Variants in POLN observed in about 807,000 individuals in gnomAD.
POLN encodes DNA polymerase nu.
In POLN, 108 loss-of-function variants were observed where a neutral mutation model predicts 113.5. That is an observed-to-expected ratio of 0.95 (90% CI 0.81 to 1.12). POLN has a LOEUF of 1.12. POLN is among the 50% of genes most tolerant of loss of function. The probability of loss-of-function intolerance (pLI) is 0.00; values close to 1 mark genes in which losing one functional copy is unlikely to be tolerated. For synonymous variants in POLN, 386 were observed against 391.5 expected (o/e 0.99, Z 0.17); for missense variants, 1,097 against 1,077.1 (o/e 1.02, Z -0.26).
chr4:2,223,018 T>C (rs1734298816), intron 3 of POLN, among the ~76,000 whole-genome samples: 1 of 152,080 alleles, frequency 6.6e-6, no homozygotes, highest in Non-Finnish European at 1.5e-5. Context: ...GAGACTGAGA[T>C]TTGTCAGCAG....
chr4:2,195,242 G>A (rs1325503256), intron 6 of POLN, among the ~76,000 whole-genome samples: 1 of 152,032 alleles, frequency 6.6e-6, no homozygotes, highest in Non-Finnish European at 1.5e-5. Flanking sequence ...TAATTTGATT[G>A]TCCTAGAACT....
At chr4:2,195,382 G>A (rs34689253) in intron 6 of POLN, among the ~76,000 whole-genome samples, 1 of 151,780 alleles carries the variant, frequency 6.6e-6, no homozygotes, top group East Asian at 1.9e-4. Context: ...GAACACAAAT[G>A]AAAGTCATGT....
In POLN at chr4:2,081,000, T is replaced by C. The variant is rs1166190543; in HGVS notation, c.2345A>G (p.His782Arg). ...AADLCKLAMIHVFTAVAASHT... is the reference protein window; with the variant it reads ...AADLCKLAMIRVFTAVAASHT... ...GGAAGCAGCCACTGCAGTGAAGACA[T>C]GGATCATGGCCAGCTTGCAGAGGTC... The change falls in exon 23 of 26, where the codon CAT becomes CGT. Residue 782 changes from histidine to arginine, a missense_variant. Transcript: ENST00000511885. The C allele has an allele frequency of 1.9e-6, 3 of 1,613,832 alleles. No individual in the cohort carries two copies. Among genetic ancestry groups the C allele is most frequent in the Non-Finnish European group, 8.5e-7 (1 of 1,179,946 alleles).
intron 4 of POLN, among the ~76,000 whole-genome samples, 154 bp downstream of exon 4, chr4:2,212,893 A>G (rs1220909874): frequency 6.6e-6 from 1 of 151,800 alleles, no homozygotes; most frequent in African/African-American, 2.4e-5. Flanking sequence ...CTGCATCCAA[A>G]TTAAACTATA....
intron 10 of POLN, 149 bp downstream of exon 10, chr4:2,174,542 C>T: frequency 1.4e-6 from 1 of 726,938 alleles, no homozygotes; most frequent in South Asian, 1.6e-5. Context: ...CCCCTCACTA[C>T]AGAAAGGGAA....
intron 12 of POLN, 122 bp downstream of exon 12, chr4:2,170,976 A>G: frequency 1.0e-6 from 1 of 964,642 alleles, no homozygotes; most frequent in South Asian, 1.6e-5. Context: ...CTTGTGAGAG[A>G]ACATGAAAAA....
chr4:2,098,314 G>A (rs924039412), intron 19 of POLN, among the ~76,000 whole-genome samples: 1 of 152,180 alleles, frequency 6.6e-6, no homozygotes, highest in African/African-American at 2.4e-5. Flanking sequence ...AGCTACTTGG[G>A]AGGCTGAGGT....
intron 4 of POLN, among the ~76,000 whole-genome samples, chr4:2,210,059 A>G (rs1298838522): frequency 6.6e-6 from 1 of 150,716 alleles, no homozygotes; most frequent in Non-Finnish European, 1.5e-5. Context: ...TACCTTTAAA[A>G]TAATTTTGAA....
Position 2,092,211 on chromosome 4 carries a change from G to A in POLN, c.2065+3640C>T, listed in dbSNP as rs189791230. Among the ~76,000 whole-genome samples the A allele has an allele frequency of 5.9e-5, 9 of 152,244 alleles. 1 individual carries two copies. The highest frequency in any genetic ancestry group is 3.3e-4 in the Admixed American group (5 of 15,302). On this transcript the variant is annotated intron_variant, in intron 20 of 25. Transcript: ENST00000511885. ...CTCGGGAACAGGCACTGAGCCAGGCGGTGTGCCCTCAGCACAGGCCTGTGG... is the reference window on the plus strand; with the variant it reads ...CTCGGGAACAGGCACTGAGCCAGGCAGTGTGCCCTCAGCACAGGCCTGTGG...
intron 2 of POLN, chr4:2,241,022 A>G: frequency 3.6e-6 from 4 of 1,096,382 alleles, no homozygotes; most frequent in South Asian, 1.4e-5. Context: ...ATCCAAGCAG[A>G]AAAAAAGCTA....
In POLN at chr4:2,198,555, G is replaced by T. The variant is rs1733636766; in HGVS notation, c.877C>A (p.Gln293Lys). The T allele has an allele frequency of 1.2e-6, 2 of 1,611,564 alleles. No individual in the cohort carries two copies. Among genetic ancestry groups the T allele is most frequent in the African/African-American group, 2.7e-5 (2 of 74,774 alleles). ...AATTGTTGATGTGCCTCCTGTTCTTGGTCCCAGATAGCAGAGTGCTCTATT... is the reference window on the plus strand; with the variant it reads ...AATTGTTGATGTGCCTCCTGTTCTTTGTCCCAGATAGCAGAGTGCTCTATT... ...IQIEHSAIWD[Q>K]EQEAHQQFAR... The change falls in exon 6 of 26, where the codon CAA becomes AAA. Residue 293 changes from glutamine (Q) to lysine (K), a missense_variant. Physicochemically the swap from Gln to Lys is moderately conservative, Grantham distance 53. Transcript: ENST00000511885.
chr4:2,097,339 A>C (rs1418329754), intron 19 of POLN, among the ~76,000 whole-genome samples: 1 of 150,602 alleles, frequency 6.6e-6, no homozygotes, highest in East Asian at 1.9e-4. Flanking sequence ...CAGAGTCATC[A>C]CCAGGCTCTC....
At chr4:2,212,010 T>A (rs941108706) in intron 4 of POLN, among the ~76,000 whole-genome samples, 1 of 152,150 alleles carries the variant, frequency 6.6e-6, no homozygotes, top group African/African-American at 2.4e-5. Context: ...CAAGGGCAGA[T>A]AATCATCCTA....
intron 19 of POLN, among the ~76,000 whole-genome samples, chr4:2,104,888 C>T (rs890215316): frequency 2.0e-5 from 3 of 152,220 alleles, no homozygotes; most frequent in African/African-American, 4.8e-5. Context: ...CCTCCAAGTG[C>T]TGCACACCTA....
chr4:2,133,147 G>GC (rs1553896567), intron 16 of POLN, among the ~76,000 whole-genome samples: 1 of 15,532 alleles, frequency 6.4e-5, no homozygotes, highest in Non-Finnish European at 1.4e-4. Context: ...ATAAAAAATG[G>GC]CAAAAAAAAA....
chr4:2,217,393 C>T (rs1734138607), intron 3 of POLN, among the ~76,000 whole-genome samples: 1 of 152,184 alleles, frequency 6.6e-6, no homozygotes, highest in African/African-American at 2.4e-5. Context: ...GTCAGAAGTA[C>T]CAGTGCCAGC....
At chr4:2,192,788 T>C (rs1023966528) in intron 7 of POLN, among the ~76,000 whole-genome samples, 3 of 151,444 alleles carry the variant, frequency 2.0e-5, no homozygotes, top group Non-Finnish European at 4.4e-5. Context: ...GGCAACAAAG[T>C]TGGACTCCAT....
intron 7 of POLN, among the ~76,000 whole-genome samples, chr4:2,188,943 C>A (rs1204175857): frequency 1.3e-5 from 2 of 152,020 alleles, no homozygotes; most frequent in Non-Finnish European, 2.9e-5. Flanking sequence ...CTATTCTTTT[C>A]TTTGTAAATA....
chr4:2,136,475 C>T (rs1731861126), intron 16 of POLN, among the ~76,000 whole-genome samples: 1 of 152,222 alleles, frequency 6.6e-6, no homozygotes, highest in Admixed American at 6.5e-5. Flanking sequence ...GGGCACATCC[C>T]AGCATCTGTT....
Sources: gnomAD v4.1 joint callset for allele counts (sites outside exome capture counted in the v4.1 genomes callset) on GRCh38, gnomAD v4.1.1 for gene constraint, MANE v1.5 for transcripts, NCBI Gene and HGNC (gene_info 2026-07-23, HGNC 2026-07-21) for gene names.